Variants in MFAP2 observed in about 807,000 individuals in gnomAD.
MFAP2 encodes the protein microfibril associated protein 2, also known as microfibrillar-associated protein 2.
In MFAP2, 23 loss-of-function variants were observed where a neutral mutation model predicts 30.6. That is an observed-to-expected ratio of 0.75 (90% CI 0.54 to 1.07). The LOEUF (loss-of-function observed/expected upper bound fraction) is 1.07. Ranked by LOEUF, MFAP2 falls within the 50% of genes least tolerant of loss-of-function variation. MFAP2 has a pLI of 0.00. For missense variants in MFAP2, 198 were observed against 223.8 expected (o/e 0.88, Z 0.74); for synonymous variants, 73 against 85.7 (o/e 0.85, Z 0.82).
chr1:16,975,652 C>T lies in MFAP2; in HGVS notation c.365G>A (p.Cys122Tyr). Reference sequence around the variant, plus strand: ...GCCCATCTGTGCTCACCTGTAGAAGCAGACCTCGTTGAGACACTGTTTGCA... The same window carrying T: ...GCCCATCTGTGCTCACCTGTAGAAGTAGACCTCGTTGAGACACTGTTTGCA... ...RPCKQCLNEVCFYSLRRVYVI... is the reference protein window; with the variant it reads ...RPCKQCLNEVYFYSLRRVYVI... Residue 122 changes from cysteine (C) to tyrosine (Y), a missense_variant, in exon 7 of 9, where the codon TGC becomes TAC. Coordinates refer to ENST00000375535, the MANE Select transcript of MFAP2 (RefSeq NM_002403.4). This position sits in a 1 kb window ranked among gnomAD's most constrained non-coding sequence, Gnocchi z 5.0. 1 of 1,614,046 alleles carries T rather than the reference C, an allele frequency of 6.2e-7. No individual in the cohort carries two copies. The highest frequency in any genetic ancestry group is 8.5e-7 in the Non-Finnish European group (1 of 1,179,956).
Position 16,975,791 on chromosome 1 carries a change from A to C in MFAP2, c.287-61T>G. The C allele has an allele frequency of 6.9e-7, 1 of 1,455,390 alleles. No individual in the cohort carries two copies. Among genetic ancestry groups the C allele is most frequent in the Non-Finnish European group, 9.5e-7 (1 of 1,048,082 alleles). The allele number at this position is 1,455,390 out of a possible 1,614,324, so 90.2% of individuals were successfully genotyped here. ...TGGGGGGCGGCCCCCAGCCTCACCC[A>C]CCTGAGGCTGGCTCACAGGGCCTAG... On this transcript the variant is annotated intron_variant, in intron 6 of 8. Coordinates refer to ENST00000375535, the MANE Select transcript of MFAP2 (RefSeq NM_002403.4). The surrounding 1 kb of genome is among the most constrained non-coding windows in gnomAD (Gnocchi z 5.0).
chr1:16,976,936 A>T lies in MFAP2; in HGVS notation c.128-13T>A. 2 of 1,614,040 alleles carry T rather than the reference A, an allele frequency of 1.2e-6. No homozygotes were observed. The highest frequency in any genetic ancestry group is 1.1e-5 in the South Asian group (1 of 91,082). On this transcript the variant is annotated splice_polypyrimidine_tract_variant and intron_variant, in intron 3 of 8. Transcript: ENST00000375535. This position sits in a 1 kb window ranked among gnomAD's most constrained non-coding sequence, Gnocchi z 5.5. ...TAGTCTGGGTTGTCTGCAAACAAAG[A>T]TGAAAGTGGAATTGGTGGGAGTAAG...
chr1:16,977,313 C>A (rs1050702266), intron 2 of MFAP2, 115 bp from the exon 3 acceptor site: 65 of 911,442 alleles, frequency 7.1e-5, no homozygotes, highest in Non-Finnish European at 9.3e-5. Context: ...AGCCTAGGAC[C>A]CCACAAGCAG....
Position 16,974,744 on chromosome 1 carries a change from G to GCC in MFAP2, c.*175_*176insGG. 3.3e-6 allele frequency: 1 copy of GCC among 304,904 alleles called. No individual in the cohort carries two copies. The highest frequency in any genetic ancestry group is 5.5e-6 in the Non-Finnish European group (1 of 182,378). 18.9% of individuals were successfully genotyped at this position (304,904 alleles called of 1,614,324 possible). On this transcript the variant is annotated 3_prime_UTR_variant, in exon 9 of 9. Coordinates refer to ENST00000375535, the MANE Select transcript of MFAP2 (RefSeq NM_002403.4). ...GGAGCCCCCATTGTGCCCCAGAGGT[G>GCC]GCCACAGGCTGAAGGAGGGGCCTGA...
In MFAP2 at chr1:16,976,502, A is replaced by T. The variant is rs2076592552; in HGVS notation, c.285T>A (p.Leu95=). The part of the protein sequence containing the change: ...AELEPTEPGP[L]DCREEQYPCT... Reference sequence around the variant, plus strand: ...TCCAGCTGTCAAGAAAGCCCTTACCAAGAGGCCCAGGCTCTGTGGGCTCCA... The same window carrying T: ...TCCAGCTGTCAAGAAAGCCCTTACCTAGAGGCCCAGGCTCTGTGGGCTCCA... The change falls in exon 6 of 9, where the codon CTT becomes CTA. Residue 95 remains leucine (L), a splice_region_variant and synonymous_variant. Transcript: ENST00000375535. The surrounding 1 kb of genome is among the most constrained non-coding windows in gnomAD (Gnocchi z 5.5). 2 of 1,614,172 alleles carry T rather than the reference A, an allele frequency of 1.2e-6. No homozygotes were observed. Among genetic ancestry groups the T allele is most frequent in the Non-Finnish European group, 1.7e-6 (2 of 1,180,000 alleles).
In MFAP2 at chr1:16,975,109, G is replaced by A. The variant is rs2076577700; in HGVS notation, c.449-86C>T. The stretch of plus-strand genomic sequence containing the variant: ...CTCCCCCAACTCTGGTGATGGGAGT[G>A]TTTTGAGGATGAAAAGTAGCAAGGA... On this transcript the variant is annotated intron_variant, in intron 8 of 8. Coordinates refer to ENST00000375535, the MANE Select transcript of MFAP2 (RefSeq NM_002403.4). The surrounding 1 kb of genome is among the most constrained non-coding windows in gnomAD (Gnocchi z 5.0). The A allele has an allele frequency of 7.3e-7, 1 of 1,363,976 alleles. No individual in the cohort carries two copies. The highest frequency in any genetic ancestry group is 1.4e-5 in the African/African-American group (1 of 69,660). 84.5% of individuals were successfully genotyped at this position (1,363,976 alleles called of 1,614,324 possible).
intron 2 of MFAP2, chr1:16,978,006 C>T (rs1570739734): frequency 2.0e-6 from 1 of 499,854 alleles, no homozygotes. Flanking sequence ...CCCTCCAGAA[C>T]CCTGCCTGCC....
Position 16,978,254 on chromosome 1 carries a change from A to G in MFAP2, c.20T>C (p.Phe7Ser). 1 of 1,577,966 alleles carries G rather than the reference A, an allele frequency of 6.3e-7. No individual in the cohort carries two copies. Among genetic ancestry groups the G allele is most frequent in the Non-Finnish European group, 8.6e-7 (1 of 1,161,564 alleles). ...CCACTTACCAGGCAGGAATAGCAGG[A>G]AGAGGTAGGCAGCTCTCATGGCAAC... is the stretch of plus-strand genomic sequence containing the variant. The part of the protein sequence containing the change: MRAAYL[F>S]LLFLPAGLLA... The change falls in exon 2 of 9, where the codon TTC (phenylalanine) becomes TCC (serine). Residue 7 changes from phenylalanine (F) to serine (S), a missense_variant. Transcript: ENST00000375535.
rs984028503 is a variant in MFAP2 at position 16,976,661 on chromosome 1, G to A, written c.241+47C>T. 1 of 1,609,586 alleles carries A rather than the reference G, an allele frequency of 6.2e-7. No individual in the cohort carries two copies. The highest frequency in any genetic ancestry group is 8.5e-7 in the Non-Finnish European group (1 of 1,177,324). Reference sequence around the variant, plus strand: ...CTCCCAGGGTTGACAGGGTGGGGAGGGGTGAGGCAGGAGCTGAGACGGGTG... The same window carrying A: ...CTCCCAGGGTTGACAGGGTGGGGAGAGGTGAGGCAGGAGCTGAGACGGGTG... On this transcript the variant is annotated intron_variant, in intron 5 of 8. Transcript: ENST00000375535. The surrounding 1 kb of genome is among the most constrained non-coding windows in gnomAD (Gnocchi z 5.5).
Position 16,978,299 on chromosome 1 carries a change from G to A in MFAP2, c.-26C>T. The A allele has an allele frequency of 6.4e-7, 1 of 1,568,848 alleles. No homozygotes were observed. Among genetic ancestry groups the A allele is most frequent in the Non-Finnish European group, 8.6e-7 (1 of 1,156,084 alleles). ...GGCAACAAAGAGGCAGGCCGGGGTG[G>A]TGTCAGAGAGGACAGCTGGGGAAAG... On this transcript the variant is annotated 5_prime_UTR_variant, in exon 2 of 9. Coordinates refer to ENST00000375535, the MANE Select transcript of MFAP2 (RefSeq NM_002403.4).
Position 16,975,431 on chromosome 1 carries a change from ACAGAACCTGGCACGGGAGCCCGG to A in MFAP2, c.375-112_375-90del. 1 of 1,416,998 alleles carries A rather than the reference ACAGAACCTGGCACGGGAGCCCGG, an allele frequency of 7.1e-7. No homozygotes were observed. Among genetic ancestry groups the A allele is most frequent in the Admixed American group, 1.9e-5 (1 of 52,854 alleles). 87.8% of individuals were successfully genotyped at this position (1,416,998 alleles called of 1,614,324 possible). A position where few individuals can be genotyped will look rare whatever the true frequency, so the allele number is the denominator to read the frequency against. On this transcript the variant is annotated intron_variant, in intron 7 of 8. Transcript: ENST00000375535. This position sits in a 1 kb window ranked among gnomAD's most constrained non-coding sequence, Gnocchi z 5.0. ...GACAGAACCTGGCACGGGAGCCCGG[ACAGAACCTGGCACGGGAGCCCGG>A]ACAGAACCTGGCACTGGAGCCCAGG...
Position 16,975,348 on chromosome 1 carries a change from G to A in MFAP2, c.375-6C>T, listed in dbSNP as rs994586011. ...TGACGTACACACGGCGGAGGCTGCG[G>A]GGACAGGGCACGGGAGGTCTCAGCC... On this transcript the variant is annotated splice_polypyrimidine_tract_variant and splice_region_variant and intron_variant, in intron 7 of 8. Coordinates refer to ENST00000375535, the MANE Select transcript of MFAP2 (RefSeq NM_002403.4). The surrounding 1 kb of genome is among the most constrained non-coding windows in gnomAD (Gnocchi z 5.0). The A allele has an allele frequency of 6.2e-7, 1 of 1,613,578 alleles. No homozygotes were observed. Among genetic ancestry groups the A allele is most frequent in the South Asian group, 1.1e-5 (1 of 91,030 alleles).
chr1:16,974,977 G>A lies in MFAP2; in HGVS notation c.495C>T (p.Ser165=). ...CCGCCACGGATTGGCACAGGCCGCT[G>A]CTGGCCATCACGCCACATTTGGAGA... ...DKFSKCGVMA[S]SGLCQSVAAS... Residue 165 remains serine (S), a synonymous_variant, in exon 9 of 9, where the codon AGC becomes AGT. Transcript: ENST00000375535. 1.9e-6 allele frequency: 2 copies of A among 1,072,560 alleles called. No individual in the cohort carries two copies. The highest frequency in any genetic ancestry group is 2.8e-6 in the Non-Finnish European group (2 of 714,890). 66.4% of individuals were successfully genotyped at this position (1,072,560 alleles called of 1,614,324 possible).
Position 16,976,362 on chromosome 1 carries a change from T to G in MFAP2, c.286+139A>C. The G allele has an allele frequency of 9.2e-7, 1 of 1,085,006 alleles. No individual in the cohort carries two copies. The highest frequency in any genetic ancestry group is 1.4e-6 in the Non-Finnish European group (1 of 712,638). 67.2% of individuals were successfully genotyped at this position (1,085,006 alleles called of 1,614,324 possible). On this transcript the variant is annotated intron_variant, in intron 6 of 8. Coordinates refer to ENST00000375535, the MANE Select transcript of MFAP2 (RefSeq NM_002403.4). This position sits in a 1 kb window ranked among gnomAD's most constrained non-coding sequence, Gnocchi z 5.5. ...CCTGGGGGGCCTGGTGATGCCAGCC[T>G]ACGGCAGTCATACTGCCCACACTGC... is the stretch of plus-strand genomic sequence containing the variant.
At position 16,975,599 on chromosome 1, in the gene MFAP2, C is replaced by T. The variant is rs1557654224; in HGVS notation, c.374+44G>A. The T allele has an allele frequency of 6.3e-7, 1 of 1,590,840 alleles. No individual in the cohort carries two copies. The highest frequency in any genetic ancestry group is 2.2e-5 in the East Asian group (1 of 44,558). On this transcript the variant is annotated intron_variant, in intron 7 of 8. Coordinates refer to ENST00000375535, the MANE Select transcript of MFAP2 (RefSeq NM_002403.4). The surrounding 1 kb of genome is among the most constrained non-coding windows in gnomAD (Gnocchi z 5.0). ...AGCTGTCCCCTGTGCCCTCTAGCCC[C>T]CCATGCTCCGGAATCCTCCCGACAG... is the stretch of plus-strand genomic sequence containing the variant.
At chr1:16,978,888 G>A (rs1175957427) in intron 1 of MFAP2, 1 of 152,276 alleles carries the variant, frequency 6.6e-6, no homozygotes, top group Non-Finnish European at 1.5e-5. Flanking sequence ...AGAGCGGCCA[G>A]GCCGGGCAGG....
chr1:16,979,807 A>C (rs758716952), intron 1 of MFAP2, among the ~76,000 whole-genome samples: 5 of 152,158 alleles, frequency 3.3e-5, no homozygotes, highest in Non-Finnish European at 7.4e-5. Context: ...CCCCGAACCC[A>C]GGCTTATTGG....
chr1:16,979,867 T>C (rs2076622966), intron 1 of MFAP2, among the ~76,000 whole-genome samples: 1 of 152,102 alleles, frequency 6.6e-6, no homozygotes. Flanking sequence ...GAGAAGTCAG[T>C]GTGGAGTTCA....
chr1:16,980,416 C>T (rs2076628900), intron 1 of MFAP2, among the ~76,000 whole-genome samples, 171 bp downstream of exon 1: 1 of 152,006 alleles, frequency 6.6e-6, no homozygotes, highest in African/African-American at 2.4e-5. Context: ...CAACCCCAAA[C>T]TTTCCAGGTG....
Sources: gnomAD v4.1 joint callset for allele counts (sites outside exome capture counted in the v4.1 genomes callset) on GRCh38, gnomAD v4.1.1 for gene constraint, Gnocchi (gnomAD v3.1) non-coding constraint, MANE v1.5 for transcripts, NCBI Gene and HGNC (gene_info 2026-07-23, HGNC 2026-07-21) for gene names.